BRSK1: variants seen among roughly 807,000 people sequenced by gnomAD.
The protein encoded by BRSK1 is serine/threonine-protein kinase BRSK1.
Under a neutral mutation model 86.2 loss-of-function variants are expected in BRSK1, and 17 were observed. That is an observed-to-expected ratio of 0.20 (90% CI 0.14 to 0.30). The LOEUF is 0.30. BRSK1 is among the 10% of genes least tolerant of loss of function. BRSK1 has a pLI of 1.00. For missense variants in BRSK1, 719 were observed against 1,071.9 expected (o/e 0.67, Z 4.60); for synonymous variants, 464 against 440.1 (o/e 1.05, Z -0.68).
At chr19:55,289,802 A>G (rs1363720573) in intron 4 of BRSK1, among the ~76,000 whole-genome samples, 182 bp downstream of exon 4, 2 of 152,076 alleles carry the variant, frequency 1.3e-5, no homozygotes, top group African/African-American at 4.8e-5. Context: ...GGTTTTTGAT[A>G]TATTTGCAGT....
rs1244003442 is a variant in BRSK1 at position 55,306,083 on chromosome 19, G to A, written c.1891-169G>A. ...CCATTCCTCCCTTACTCGCTGATAG[G>A]ATAGAGAAAGCTACAAGTCCTTGCA... On this transcript the variant is annotated intron_variant, in intron 16 of 18. Coordinates refer to ENST00000309383, the MANE Select transcript of BRSK1 (RefSeq NM_032430.2). This position sits in a 1 kb window ranked among gnomAD's most constrained non-coding sequence, Gnocchi z 4.7. Among the ~76,000 whole-genome samples the A allele has an allele frequency of 1.3e-5, 2 of 152,184 alleles. No individual in the cohort carries two copies. The highest frequency in any genetic ancestry group is 4.8e-5 in the African/African-American group (2 of 41,438).
At chr19:55,288,209 G>A (rs563138288) in intron 3 of BRSK1, among the ~76,000 whole-genome samples, 23 of 152,198 alleles carry the variant, frequency 1.5e-4, no homozygotes, top group East Asian at 1.4e-3. Flanking sequence ...GGCCAGGCGC[G>A]GTGGCTCATG....
rs201751771 is a variant in BRSK1, at chr19:55,287,110, G to A, written c.231+9G>A. 4,484 of 1,612,180 alleles carry A rather than the reference G, an allele frequency of 2.8e-3. 10 individuals are homozygous for A. Among genetic ancestry groups the A allele is most frequent in the Non-Finnish European group, 3.1e-3 (3,614 of 1,179,296 alleles). On this transcript the variant is annotated intron_variant, in intron 2 of 18. Coordinates refer to ENST00000309383, the MANE Select transcript of BRSK1 (RefSeq NM_032430.2). This position sits in a 1 kb window ranked among gnomAD's most constrained non-coding sequence, Gnocchi z 5.3. The stretch of plus-strand genomic sequence containing the variant: ...AGTCGGTGCTGATGAAGGTGTGTGC[G>A]CCTGCTGCAGTGTGCCTGCGGGTGG...
At chr19:55,296,585 G>A (rs1282274874) in intron 7 of BRSK1, among the ~76,000 whole-genome samples, 2 of 152,086 alleles carry the variant, frequency 1.3e-5, no homozygotes, top group Non-Finnish European at 2.9e-5. Context: ...GGTGGCTCAC[G>A]CCTGTAATCA....
Position 55,284,462 on chromosome 19 carries a change from AG to A in BRSK1, c.23del (p.Gly8GlufsTer58). MSSGAK[E>X]GGGGSPAYHL... ...GGCACCATGTCGTCCGGGGCCAAGG[AG>A]GGAGGTGGGGGCTCTCCCGCCTACC... On this transcript the variant is annotated frameshift_variant, in exon 1 of 19. Coordinates refer to ENST00000309383, the MANE Select transcript of BRSK1 (RefSeq NM_032430.2). LOFTEE classifies it high-confidence loss of function. The A allele has an allele frequency of 7.7e-7, 1 of 1,305,468 alleles. No individual in the cohort carries two copies. The highest frequency in any genetic ancestry group is 9.9e-7 in the Non-Finnish European group (1 of 1,005,474). The allele number at this position is 1,305,468 out of a possible 1,614,324, so 80.9% of individuals were successfully genotyped here.
chr19:55,298,874 T>C (rs1336774022), intron 7 of BRSK1, among the ~76,000 whole-genome samples: 1 of 152,228 alleles, frequency 6.6e-6, no homozygotes, highest in Non-Finnish European at 1.5e-5. Flanking sequence ...ATGGGCATGC[T>C]TTGTTCAGGA....
Position 55,304,716 on chromosome 19 carries a change from CCCCCAGGCT to C in BRSK1, c.1518_1526del (p.Gly507_Pro509del). The C allele has an allele frequency of 6.7e-7, 1 of 1,502,360 alleles. No individual in the cohort carries two copies. The highest frequency in any genetic ancestry group is 8.8e-7 in the Non-Finnish European group (1 of 1,131,798). The allele number at this position is 1,502,360 out of a possible 1,614,324, so 93.1% of individuals were successfully genotyped here. On this transcript the variant is annotated inframe_deletion, in exon 14 of 19. Transcript: ENST00000309383. This position sits in a 1 kb window ranked among gnomAD's most constrained non-coding sequence, Gnocchi z 5.2. ...TGCCCGCTCCACACCCCTGCCCGGC[CCCCCAGGCT>C]CCCCGCGCTCCTCTGGCGGGACCCC...
chr19:55,308,825 TGGGTGGCGGGGGCGGTGGGTGGC>T (rs2088716789), intron 18 of BRSK1, 97 bp downstream of exon 18: 1 of 1,876 alleles, frequency 5.3e-4, no homozygotes, highest in African/African-American at 1.8e-3. Context: ...GCGGGGGGCG[TGGGTGGCGGGGGCGGTGGGTGGC>T]GGGCAGAGGT....
intron 4 of BRSK1, among the ~76,000 whole-genome samples, chr19:55,290,766 C>T (rs1434940624): frequency 6.6e-6 from 1 of 152,062 alleles, no homozygotes; most frequent in African/African-American, 2.4e-5. Context: ...CTCAGCCTCC[C>T]AAGTAGCTGG....
rs2088616741 is a variant in BRSK1 at position 55,304,460 on chromosome 19, C to T, written c.1348-91C>T. On this transcript the variant is annotated intron_variant, in intron 13 of 18. Coordinates refer to ENST00000309383, the MANE Select transcript of BRSK1 (RefSeq NM_032430.2). This position sits in a 1 kb window ranked among gnomAD's most constrained non-coding sequence, Gnocchi z 5.2. The stretch of plus-strand genomic sequence containing the variant: ...CTACAAGTTGCAGCATGCACCGGGC[C>T]AGCGTCCGTGAGTGTGCGTGTGAGT... 14 of 1,395,522 alleles carry T rather than the reference C, an allele frequency of 1.0e-5. No individual in the cohort carries two copies. In the South Asian group the frequency reaches 2.1e-4, roughly 21 times the overall value. The allele number at this position is 1,395,522 out of a possible 1,614,324, so 86.4% of individuals were successfully genotyped here. A position where few individuals can be genotyped will look rare whatever the true frequency, so the allele number is the denominator to read the frequency against.
At chr19:55,307,164 G>A (rs1310999621) in intron 17 of BRSK1, among the ~76,000 whole-genome samples, 3 of 152,246 alleles carry the variant, frequency 2.0e-5, no homozygotes, top group Non-Finnish European at 2.9e-5. Context: ...ACAGGTGGGA[G>A]AGGGGCTTGC....
intron 4 of BRSK1, among the ~76,000 whole-genome samples, chr19:55,293,256 G>C (rs184078806): frequency 6.6e-6 from 1 of 152,114 alleles, no homozygotes; most frequent in Non-Finnish European, 1.5e-5. Context: ...AGGACTTCTT[G>C]AACCCGGGAG....
Position 55,306,391 on chromosome 19 carries a change from C to T in BRSK1, c.2030C>T (p.Pro677Leu), listed in dbSNP as rs754028790. ...ISSSEGPEPS[P>L]RRDGSGGGGI... Reference sequence around the variant, plus strand: ...TCCTCTGAGGGTCCAGAGCCCTCCCCGCGACGGGACGGCAGCGGAGGTGGT... The same window carrying T: ...TCCTCTGAGGGTCCAGAGCCCTCCCTGCGACGGGACGGCAGCGGAGGTGGT... Residue 677 changes from proline (P) to leucine (L), a missense_variant, in exon 17 of 19, where the codon CCG becomes CTG. Coordinates refer to ENST00000309383, the MANE Select transcript of BRSK1 (RefSeq NM_032430.2). This position sits in a 1 kb window ranked among gnomAD's most constrained non-coding sequence, Gnocchi z 4.7. 8.4e-5 allele frequency: 136 copies of T among 1,613,968 alleles called. No homozygotes were observed. The highest frequency in any genetic ancestry group is 1.7e-4 in the Middle Eastern group (1 of 6,060).
chr19:55,298,217 T>C (rs1195201895), intron 7 of BRSK1, among the ~76,000 whole-genome samples: 268 of 141,690 alleles, frequency 1.9e-3, no homozygotes, highest in African/African-American at 6.5e-3. Context: ...TTCTTTTTTT[T>C]TTTTTTTTTT....
At chr19:55,284,687 G>A in intron 1 of BRSK1, 109 bp downstream of exon 1, 1 of 990,866 alleles carries the variant, frequency 1.0e-6, no homozygotes, top group Non-Finnish European at 1.3e-6. Flanking sequence ...AGACCCCTGG[G>A]CCCCTCATAG....
At chr19:55,305,259 G>C in intron 14 of BRSK1, 62 bp from the exon 15 acceptor site, 1 of 1,598,432 alleles carries the variant, frequency 6.3e-7, no homozygotes, top group South Asian at 1.1e-5. Flanking sequence ...GTGCAGGCCT[G>C]TGTGCTGGCA....
intron 1 of BRSK1, among the ~76,000 whole-genome samples, chr19:55,285,615 G>A (rs572095590): frequency 5.3e-5 from 8 of 152,298 alleles, no homozygotes; most frequent in African/African-American, 1.9e-4. Context: ...CAGGATGGAG[G>A]GTGGGAAGGT....
At position 55,294,662 on chromosome 19, in the gene BRSK1, C is replaced by T. The variant is rs1172816; in HGVS notation, c.678+265C>T. On this transcript the variant is annotated intron_variant, in intron 7 of 18. Coordinates refer to ENST00000309383, the MANE Select transcript of BRSK1 (RefSeq NM_032430.2). This position sits in a 1 kb window ranked among gnomAD's most constrained non-coding sequence, Gnocchi z 4.9. ...GATTGCAGGCGCCCACCACCACTTC[C>T]AGATAATTTTTGAATTTTTAGTAGA... Among the ~76,000 whole-genome samples, 46,168 of 151,704 alleles carry T rather than the reference C, an allele frequency of 0.3. 7,449 individuals carry two copies. The highest frequency in any genetic ancestry group is 0.46 in the South Asian group (2,233 of 4,804).
chr19:55,304,928 G>A lies in BRSK1; in HGVS notation c.1717+8G>A, dbSNP rs1423389349. 1.2e-6 allele frequency: 2 copies of A among 1,605,430 alleles called. No individual in the cohort carries two copies. Among genetic ancestry groups the A allele is most frequent in the South Asian group, 1.1e-5 (1 of 90,962 alleles). On this transcript the variant is annotated splice_region_variant and intron_variant, in intron 14 of 18. Transcript: ENST00000309383. This position sits in a 1 kb window ranked among gnomAD's most constrained non-coding sequence, Gnocchi z 5.2. Reference sequence around the variant, plus strand: ...ACCGGCGCAAGATGCAGGGTATGGGGGCATGAACTGCCGAGTCCTAATGTG... The same window carrying A: ...ACCGGCGCAAGATGCAGGGTATGGGAGCATGAACTGCCGAGTCCTAATGTG...
Sources: allele counts gnomAD v4.1 joint callset (sites outside exome capture counted in the v4.1 genomes callset), GRCh38; gene constraint gnomAD v4.1.1; non-coding constraint Gnocchi (gnomAD v3.1); transcripts MANE v1.5; gene names NCBI Gene and HGNC (gene_info 2026-07-23, HGNC 2026-07-21).